ESCO1: variants seen among roughly 807,000 people sequenced by gnomAD.
ESCO1 encodes the protein establishment of sister chromatid cohesion N-acetyltransferase 1.
ESCO1 carries 33 observed loss-of-function variants against 83.5 expected under a neutral mutation model. The observed-to-expected ratio is 0.40, with a 90% CI of 0.30 to 0.53. The LOEUF is 0.53. Ranked by LOEUF, ESCO1 falls within the 20% of genes least tolerant of loss-of-function variation. The pLI is 0.63. For synonymous variants in ESCO1, 332 were observed against 324.3 expected (o/e 1.02, Z -0.25); for missense variants, 855 against 968.0 (o/e 0.88, Z 1.55).
intron 11 of ESCO1, 134 bp from the exon 12 acceptor site, chr18:21,530,624 G>A: frequency 1.5e-6 from 1 of 674,946 alleles, no homozygotes. Flanking sequence ...TGCTGTATGT[G>A]CTCAAAATTT....
intron 1 of ESCO1, among the ~76,000 whole-genome samples, chr18:21,591,027 G>GC (rs969246435): frequency 1.3e-5 from 2 of 151,998 alleles, no homozygotes; most frequent in African/African-American, 2.4e-5. Flanking sequence ...TAAATGGTGG[G>GC]CCCCCCAAAA....
In ESCO1 at chr18:21,549,437, C is replaced by T. The variant is rs542307389; in HGVS notation, c.1954-9428G>A. Among the ~76,000 whole-genome samples the T allele has an allele frequency of 1.1e-4, 16 of 151,654 alleles. 1 individual carries two copies. Among genetic ancestry groups the T allele is most frequent in the South Asian group, 2.1e-4 (1 of 4,800 alleles). On this transcript the variant is annotated intron_variant, in intron 8 of 11. Transcript: ENST00000269214. ...GACTTCCTTGTTTTTTTTTTGGAGA[C>T]GGAGTCTCGCTCTGTTGCCCAGGCT...
intron 2 of ESCO1, among the ~76,000 whole-genome samples, chr18:21,583,516 T>A (rs1028807263): frequency 6.6e-6 from 1 of 151,056 alleles, no homozygotes; most frequent in Non-Finnish European, 1.5e-5. Flanking sequence ...TGGTGGCATG[T>A]GCCTGTAGTC....
At chr18:21,537,250 T>C (rs2037848789) in intron 9 of ESCO1, among the ~76,000 whole-genome samples, 1 of 152,196 alleles carries the variant, frequency 6.6e-6, no homozygotes, top group Non-Finnish European at 1.5e-5. Context: ...CCTTCCCCAG[T>C]TAAAAGATAC....
chr18:21,574,466 T>C lies in ESCO1; in HGVS notation c.378A>G (p.Gln126=), dbSNP rs1448306964. The change falls in exon 4 of 12, where the codon CAA becomes CAG. Residue 126 remains glutamine, a synonymous_variant. Coordinates refer to ENST00000269214, the MANE Select transcript of ESCO1 (RefSeq NM_052911.3). The part of the protein sequence containing the change: ...EQLNRRSQRL[Q]QLTEVSRRSL... Reference sequence around the variant, plus strand: ...ACCTTCTTGAAACCTCTGTTAATTGTTGTAGCCTTTGTGATCTCCGGTTAA... The same window carrying C: ...ACCTTCTTGAAACCTCTGTTAATTGCTGTAGCCTTTGTGATCTCCGGTTAA... The C allele has an allele frequency of 6.8e-6, 11 of 1,614,188 alleles. No individual in the cohort carries two copies. Among genetic ancestry groups the C allele is most frequent in the Non-Finnish European group, 9.3e-6 (11 of 1,180,032 alleles).
chr18:21,538,190 G>A (rs890116124), intron 9 of ESCO1, among the ~76,000 whole-genome samples: 3 of 150,822 alleles, frequency 2.0e-5, no homozygotes, highest in Non-Finnish European at 4.4e-5. Context: ...GGTGGCTCAC[G>A]CCTATAATCC....
intron 8 of ESCO1, among the ~76,000 whole-genome samples, chr18:21,544,617 G>C (rs2037948610): frequency 1.4e-5 from 2 of 146,470 alleles, no homozygotes; most frequent in African/African-American, 5.0e-5. Context: ...CAACAAGAGT[G>C]AAACTCCATC....
In ESCO1 at chr18:21,529,684, C is replaced by A. The variant is rs1368957116; in HGVS notation, c.*659G>T. 1 of 152,124 alleles carries A rather than the reference C, an allele frequency of 6.6e-6. No homozygotes were observed. The highest frequency in any genetic ancestry group is 1.5e-5 in the Non-Finnish European group (1 of 68,010). The allele number at this position is 152,124 out of a possible 1,614,324, so 9.4% of individuals were successfully genotyped here. A position where few individuals can be genotyped will look rare whatever the true frequency, so the allele number is the denominator to read the frequency against. On this transcript the variant is annotated 3_prime_UTR_variant, in exon 12 of 12. Coordinates refer to ENST00000269214, the MANE Select transcript of ESCO1 (RefSeq NM_052911.3). ...ATTTACAGCTCTCCAAGAAGGAAAG[C>A]CTCAATTCTTTACCACTTTCTACTT...
intron 1 of ESCO1, among the ~76,000 whole-genome samples, chr18:21,591,908 A>G (rs960466667): frequency 1.4e-4 from 21 of 151,300 alleles, no homozygotes; most frequent in African/African-American, 4.1e-4. Flanking sequence ...CTGTTTAACA[A>G]AGCACATCTT....
At chr18:21,540,137 T>C (rs2037887189) in intron 8 of ESCO1, 128 bp from the exon 9 acceptor site, 3 of 812,934 alleles carry the variant, frequency 3.7e-6, no homozygotes, top group Non-Finnish European at 5.7e-6. Flanking sequence ...ATGAAAAATA[T>C]ATGCTCATTA....
chr18:21,540,689 A>T (rs1177353570), intron 8 of ESCO1: 11 of 1,297,720 alleles, frequency 8.5e-6, no homozygotes, highest in Non-Finnish European at 1.1e-5. Context: ...CGTGGTGATT[A>T]ATGAGCAGAA....
chr18:21,538,707 A>G (rs1180709478), intron 9 of ESCO1, among the ~76,000 whole-genome samples: 2 of 152,190 alleles, frequency 1.3e-5, no homozygotes, highest in African/African-American at 4.8e-5. Context: ...TCCAATTGTT[A>G]ACCTAAAAAA....
intron 8 of ESCO1, among the ~76,000 whole-genome samples, chr18:21,554,939 T>TA (rs1248539783): frequency 3.3e-5 from 5 of 150,962 alleles, no homozygotes; most frequent in Non-Finnish European, 5.9e-5. Context: ...AAATAAAAAA[T>TA]AAAAAAATTA....
chr18:21,578,167 A>C (rs1446857621), intron 2 of ESCO1, among the ~76,000 whole-genome samples: 4 of 152,234 alleles, frequency 2.6e-5, no homozygotes, highest in Admixed American at 6.5e-5. Context: ...CACAAATACA[A>C]GAAAAGCCTT....
At chr18:21,596,792 A>G (rs984892049) in intron 1 of ESCO1, among the ~76,000 whole-genome samples, 6 of 152,094 alleles carry the variant, frequency 3.9e-5, no homozygotes, top group African/African-American at 1.4e-4. Flanking sequence ...CCGAGATAGC[A>G]CAGCCTGGGC....
chr18:21,544,680 CATG>C (rs749745380), intron 8 of ESCO1, among the ~76,000 whole-genome samples: 62 of 150,966 alleles, frequency 4.1e-4, no homozygotes, highest in East Asian at 1.4e-3. Flanking sequence ...AAAGTAATAA[CATG>C]ATGCCTAAGT....
chr18:21,568,435 T>C (rs570839862), intron 4 of ESCO1, among the ~76,000 whole-genome samples: 2 of 152,160 alleles, frequency 1.3e-5, no homozygotes, highest in East Asian at 3.9e-4. Context: ...AAAGGAAATA[T>C]CTCTTCCACA....
chr18:21,580,031 G>A (rs2038479732), intron 2 of ESCO1, among the ~76,000 whole-genome samples: 1 of 151,470 alleles, frequency 6.6e-6, no homozygotes, highest in Non-Finnish European at 1.5e-5. Flanking sequence ...GAGTAGCTGG[G>A]ATTACAGGCA....
chr18:21,567,454 C>T (rs1324578574), intron 5 of ESCO1, among the ~76,000 whole-genome samples: 2 of 151,866 alleles, frequency 1.3e-5, no homozygotes, highest in Non-Finnish European at 2.9e-5. Context: ...CTTGAGCCAC[C>T]ACGACCGGCC....
Sources: gnomAD v4.1 joint callset for allele counts (sites outside exome capture counted in the v4.1 genomes callset) on GRCh38, gnomAD v4.1.1 for gene constraint, MANE v1.5 for transcripts, NCBI Gene and HGNC (gene_info 2026-07-23, HGNC 2026-07-21) for gene names.